Variants in NPSR1 observed in about 807,000 individuals in gnomAD.
NPSR1 encodes the protein neuropeptide S receptor.
Under a neutral mutation model 46.9 loss-of-function variants are expected in NPSR1, and 48 were observed. The observed-to-expected ratio is 1.02, with a 90% confidence interval of 0.81 to 1.30. NPSR1 has a LOEUF of 1.30. Ranked by LOEUF, NPSR1 falls within the 50% of genes most tolerant of loss-of-function variation. NPSR1 has a pLI of 0.00. For synonymous variants in NPSR1, 176 were observed against 168.1 expected (o/e 1.05, Z -0.36); for missense variants, 450 against 449.5 (o/e 1.00, Z -0.01).
intron 2 of NPSR1, among the ~76,000 whole-genome samples, chr7:34,765,042 TAATAGAA>T (rs1043701098): frequency 4.1e-4 from 62 of 152,096 alleles, no homozygotes; most frequent in African/African-American, 1.4e-3. Flanking sequence ...GCTACTATGC[TAATAGAA>T]AATCCAAAGA....
chr7:34,779,211 T>C (rs1173435732), intron 3 of NPSR1, among the ~76,000 whole-genome samples: 1 of 151,978 alleles, frequency 6.6e-6, no homozygotes, highest in African/African-American at 2.4e-5. Flanking sequence ...CATATATACA[T>C]ATTTACATAT....
intron 2 of NPSR1, among the ~76,000 whole-genome samples, chr7:34,684,888 A>C (rs552860737): frequency 2.2e-4 from 33 of 152,352 alleles, no homozygotes; most frequent in Non-Finnish European, 3.8e-4. Flanking sequence ...TCATTATAAA[A>C]GTAACTCACT....
intron 4 of NPSR1, among the ~76,000 whole-genome samples, chr7:34,820,941 G>A (rs62462955): frequency 0.12 from 18,989 of 152,056 alleles, 1,477 homozygotes; most frequent in Non-Finnish European, 0.17. Flanking sequence ...CAGACTTAAA[G>A]TCTGTGTTGA....
chr7:34,689,822 G>C (rs1481555661), intron 2 of NPSR1, among the ~76,000 whole-genome samples: 2 of 151,570 alleles, frequency 1.3e-5, no homozygotes, highest in Admixed American at 6.6e-5. Context: ...ATGCACACCT[G>C]TAGTCCCAGT....
intron 2 of NPSR1, among the ~76,000 whole-genome samples, chr7:34,759,949 A>G (rs535471052): frequency 2.6e-5 from 4 of 152,188 alleles, no homozygotes; most frequent in Admixed American, 1.3e-4. Flanking sequence ...CCCTGAACTA[A>G]TCTATCTTGT....
intron 3 of NPSR1, among the ~76,000 whole-genome samples, chr7:34,792,653 G>GTATA (rs1301581148): frequency 1.1e-5 from 1 of 89,448 alleles, no homozygotes; most frequent in Non-Finnish European, 2.2e-5. Context: ...ATATATATAT[G>GTATA]TATATATATA....
At chr7:34,789,017 C>G (rs75340445) in intron 3 of NPSR1, among the ~76,000 whole-genome samples, 1 of 151,360 alleles carries the variant, frequency 6.6e-6, no homozygotes, top group East Asian at 1.9e-4. Flanking sequence ...ATGTTACAAA[C>G]GTGAAAATTA....
Position 34,802,130 on chromosome 7 carries a change from C to G in NPSR1, c.385-9640C>G, listed in dbSNP as rs866956310. Among the ~76,000 whole-genome samples, 48 of 150,190 alleles carry G rather than the reference C, an allele frequency of 3.2e-4. 1 individual carries two copies. In the Middle Eastern group the frequency reaches 0.01, roughly 32 times the overall value. On this transcript the variant is annotated intron_variant, in intron 3 of 8. Coordinates refer to ENST00000360581, the MANE Select transcript of NPSR1 (RefSeq NM_207172.2). ...AGGAAGAATCAATATCGTGAAAATG[C>G]CCATACTGCCCAAGGTATTTTATAG...
At chr7:34,824,553 C>T (rs1434933731) in intron 4 of NPSR1, among the ~76,000 whole-genome samples, 3 of 152,120 alleles carry the variant, frequency 2.0e-5, no homozygotes, top group East Asian at 3.9e-4. Flanking sequence ...AGCCCCAGCA[C>T]CAGTAAGAGA....
chr7:34,692,239 G>A (rs1434293215), intron 2 of NPSR1, among the ~76,000 whole-genome samples: 7 of 152,026 alleles, frequency 4.6e-5, no homozygotes, highest in Admixed American at 4.6e-4. Flanking sequence ...TTTAATAACT[G>A]TAAAATATAC....
intron 3 of NPSR1, among the ~76,000 whole-genome samples, chr7:34,788,093 A>G (rs1469146183): frequency 1.3e-5 from 2 of 152,086 alleles, no homozygotes; most frequent in South Asian, 2.1e-4. Context: ...GTTAAGGGAT[A>G]TACTATATAA....
intron 2 of NPSR1, chr7:34,751,090 C>T (rs944295346): frequency 1.5e-5 from 12 of 799,970 alleles, no homozygotes; most frequent in Non-Finnish European, 2.5e-5. Flanking sequence ...TTCACCATGT[C>T]CTTGAGGATC....
intron 2 of NPSR1, among the ~76,000 whole-genome samples, chr7:34,706,435 G>A (rs140572179): frequency 2.0e-5 from 3 of 151,954 alleles, no homozygotes; most frequent in East Asian, 1.9e-4. Flanking sequence ...ATTCTTCTAC[G>A]TGGGAAGAAT....
At chr7:34,814,809 C>A (rs1237048291) in intron 4 of NPSR1, among the ~76,000 whole-genome samples, 1 of 152,138 alleles carries the variant, frequency 6.6e-6, no homozygotes, top group Non-Finnish European at 1.5e-5. Flanking sequence ...CTCCAACAGA[C>A]CTGCAGCTGA....
chr7:34,680,113 C>T (rs1339824574), intron 1 of NPSR1, among the ~76,000 whole-genome samples: 1 of 152,068 alleles, frequency 6.6e-6, no homozygotes, highest in African/African-American at 2.4e-5. Flanking sequence ...AGAATGCCTT[C>T]TATCATATTA....
chr7:34,848,694 A>C, intron 8 of NPSR1, 31 bp downstream of exon 8: 8 of 1,589,266 alleles, frequency 5.0e-6, no homozygotes, highest in Non-Finnish European at 6.9e-6. Flanking sequence ...GGTCAGACAC[A>C]CTGATGGCCA....
chr7:34,798,399 G>C (rs2128746554), intron 3 of NPSR1, among the ~76,000 whole-genome samples: 1 of 152,216 alleles, frequency 6.6e-6, no homozygotes, highest in South Asian at 2.1e-4. Context: ...GCCAGATGTG[G>C]TGGCACGCAC....
intron 1 of NPSR1, among the ~76,000 whole-genome samples, chr7:34,670,343 AAACT>A (rs1562640014): frequency 6.6e-6 from 1 of 152,104 alleles, no homozygotes; most frequent in East Asian, 1.9e-4. Context: ...TGTTACAAAG[AAACT>A]ACCACAGTTA....
In NPSR1 at chr7:34,802,628, A is replaced by G. The variant is rs377421792; in HGVS notation, c.385-9142A>G. 6.0e-5 allele frequency among the ~76,000 whole-genome samples: 9 copies of G among 150,392 alleles called. 1 individual carries two copies. Among genetic ancestry groups the G allele is most frequent in the South Asian group, 2.1e-4 (1 of 4,826 alleles). On this transcript the variant is annotated intron_variant, in intron 3 of 8. Coordinates refer to ENST00000360581, the MANE Select transcript of NPSR1 (RefSeq NM_207172.2). ...CATAAAAACCCTAGAAGAAAACCTA[A>G]GCATTACCATTCAGGACATAGGCAT...
Sources: gnomAD v4.1 joint callset for allele counts (sites outside exome capture counted in the v4.1 genomes callset) on GRCh38, gnomAD v4.1.1 for gene constraint, MANE v1.5 for transcripts, NCBI Gene and HGNC (gene_info 2026-07-23, HGNC 2026-07-21) for gene names.